DNAH17: variants seen among roughly 807,000 people sequenced by gnomAD.
DNAH17 encodes axonemal beta dynein heavy chain 17.
Under a neutral mutation model 485.6 loss-of-function variants are expected in DNAH17, and 376 were observed. The observed-to-expected ratio is 0.77, with a 90% confidence interval of 0.71 to 0.84. DNAH17 has a LOEUF of 0.84. Among genes scored for constraint, DNAH17 ranks in the 40% least tolerant of loss-of-function variants. The pLI is 0.00. For synonymous variants in DNAH17, 3,031 were observed against 2,405.9 expected (o/e 1.26, Z -7.60); for missense variants, 6,370 against 5,839.3 (o/e 1.09, Z -2.96).
At chr17:78,522,586 TG>T in intron 25 of DNAH17, 1 of 282,038 alleles carries the variant, frequency 3.5e-6, no homozygotes, top group South Asian at 3.5e-5. Context: ...AGGCAGCCAC[TG>T]GGCCTGGGTC....
chr17:78,543,287 G>GTATTTTTTT (rs1200669389), intron 17 of DNAH17, among the ~76,000 whole-genome samples: 4 of 139,270 alleles, frequency 2.9e-5, no homozygotes, highest in African/African-American at 1.1e-4. Context: ...GTTAATTTTT[G>GTATTTTTTT]TTTTTTTTTT....
At chr17:78,429,329 A>G in intron 75 of DNAH17, 29 bp from the exon 76 acceptor site, 1 of 1,604,440 alleles carries the variant, frequency 6.2e-7, no homozygotes, top group Non-Finnish European at 8.5e-7. Flanking sequence ...GGGTAGGGGA[A>G]AGTGCCCCTG....
At chr17:78,473,419 G>A (rs536000977) in intron 54 of DNAH17, among the ~76,000 whole-genome samples, 17 of 151,960 alleles carry the variant, frequency 1.1e-4, no homozygotes, top group South Asian at 8.3e-4. Context: ...TGGCGGGCGC[G>A]TGTAGTCCCA....
intron 17 of DNAH17, among the ~76,000 whole-genome samples, chr17:78,541,627 C>T (rs534681836): frequency 3.0e-4 from 46 of 152,000 alleles, no homozygotes; most frequent in Non-Finnish European, 6.5e-4. Flanking sequence ...AACACCATCT[C>T]ATCACAGTTG....
chr17:78,451,107 T>G (rs985634880), intron 66 of DNAH17, among the ~76,000 whole-genome samples: 1 of 152,200 alleles, frequency 6.6e-6, no homozygotes, highest in Non-Finnish European at 1.5e-5. Context: ...CCTGAGCCCA[T>G]GCAAGTGGCT....
At chr17:78,526,814 G>C (rs1017966432) in intron 23 of DNAH17, 66 bp downstream of exon 23, 1 of 1,553,384 alleles carries the variant, frequency 6.4e-7, no homozygotes, top group African/African-American at 1.4e-5. Flanking sequence ...CCTGTATGCC[G>C]CAGGGCCCTG....
intron 48 of DNAH17, chr17:78,484,630 G>A (rs1359515653): frequency 9.2e-6 from 3 of 327,000 alleles, no homozygotes; most frequent in Non-Finnish European, 1.7e-5. Flanking sequence ...ATGGGTGATG[G>A]ACGAAACTGA....
chr17:78,430,333 T>C (rs2086629814), intron 75 of DNAH17, among the ~76,000 whole-genome samples: 1 of 152,170 alleles, frequency 6.6e-6, no homozygotes, highest in Admixed American at 6.5e-5. Context: ...AATTGATTCT[T>C]TTTTGGTACC....
intron 56 of DNAH17, 70 bp downstream of exon 56, chr17:78,466,585 G>A: frequency 2.1e-6 from 3 of 1,444,524 alleles, no homozygotes; most frequent in Admixed American, 2.3e-5. Flanking sequence ...TTCTCCCAGG[G>A]AGCCAGCCCT....
intron 26 of DNAH17, chr17:78,510,753 C>CCCCCG (rs2090614873): frequency 2.4e-6 from 1 of 421,720 alleles, no homozygotes; most frequent in Admixed American, 3.4e-5. Context: ...GAATTGCGGC[C>CCCCCG]CCCCCGCAAA....
intron 62 of DNAH17, 163 bp downstream of exon 62, chr17:78,458,402 A>G (rs2087914630): frequency 7.9e-6 from 5 of 634,130 alleles, no homozygotes; most frequent in Non-Finnish European, 1.4e-5. Context: ...TGACTATGCA[A>G]GAGGCCAAGT....
intron 4 of DNAH17, 46 bp from the exon 5 acceptor site, chr17:78,571,424 C>T: frequency 6.4e-7 from 1 of 1,551,372 alleles, no homozygotes; most frequent in Non-Finnish European, 8.9e-7. Flanking sequence ...CTGGAAGACC[C>T]TAAGGCGAGG....
intron 17 of DNAH17, among the ~76,000 whole-genome samples, chr17:78,541,393 A>G (rs949040857): frequency 8.6e-4 from 126 of 147,340 alleles, no homozygotes; most frequent in African/African-American, 1.9e-3. Context: ...GGATGGATGG[A>G]TGGATGGGTG....
At chr17:78,567,316 T>C in intron 9 of DNAH17, 150 bp from the exon 10 acceptor site, 1 of 724,258 alleles carries the variant, frequency 1.4e-6, no homozygotes, top group Non-Finnish European at 2.3e-6. Flanking sequence ...ACACCCTCTG[T>C]GTCTGTGCTG....
chr17:78,505,617 GCT>G (rs1375570478), intron 30 of DNAH17, among the ~76,000 whole-genome samples, 172 bp from the exon 31 acceptor site: 1 of 152,224 alleles, frequency 6.6e-6, no homozygotes, highest in African/African-American at 2.4e-5. Context: ...AGCGAAGACT[GCT>G]CTGAGTCAGG....
At chr17:78,574,239 C>T (rs2092401723) in intron 2 of DNAH17, among the ~76,000 whole-genome samples, 1 of 152,158 alleles carries the variant, frequency 6.6e-6, no homozygotes, top group Non-Finnish European at 1.5e-5. Flanking sequence ...CCTATAATCC[C>T]AACAGTTTGG....
intron 44 of DNAH17, 89 bp from the exon 45 acceptor site, chr17:78,486,595 C>A (rs1181557486): frequency 6.9e-7 from 1 of 1,449,468 alleles, no homozygotes; most frequent in African/African-American, 1.4e-5. Flanking sequence ...CCTACCTCCA[C>A]CCAATTCTGC....
Position 78,530,449 on chromosome 17 carries a change from C to A in DNAH17, c.3178G>T (p.Gly1060Cys), listed in dbSNP as rs749768590. ...SKCENTKVFHGWLQCDCRPFK... is the reference protein window; with the variant it reads ...SKCENTKVFHCWLQCDCRPFK... Reference sequence around the variant, plus strand: ...GGGCGGCAGTCGCACTGCAGCCAGCCGTGGAACACCTTGGTGTTCTCGCAC... The same window carrying A: ...GGGCGGCAGTCGCACTGCAGCCAGCAGTGGAACACCTTGGTGTTCTCGCAC... Residue 1060 changes from glycine (G) to cysteine (C), a missense_variant, in exon 21 of 81, where the codon GGC (glycine) becomes TGC (cysteine). Physicochemically the swap from Gly to Cys is radical, Grantham distance 159. Transcript: ENST00000389840. The A allele has an allele frequency of 6.2e-7, 1 of 1,613,526 alleles. No individual in the cohort carries two copies. The highest frequency in any genetic ancestry group is 2.2e-5 in the East Asian group (1 of 44,888).
At chr17:78,458,975 A>C in intron 61 of DNAH17, 26 bp downstream of exon 61, 1 of 1,612,352 alleles carries the variant, frequency 6.2e-7, no homozygotes, top group Non-Finnish European at 8.5e-7. Flanking sequence ...GGTGTTTCGC[A>C]GGGACGGGAG....
Sources: gnomAD v4.1 joint callset for allele counts (sites outside exome capture counted in the v4.1 genomes callset) on GRCh38, gnomAD v4.1.1 for gene constraint, MANE v1.5 for transcripts, NCBI Gene and HGNC (gene_info 2026-07-23, HGNC 2026-07-21) for gene names.